The following GC variants were observed in gnomAD, a reference collection of about 807,000 sequenced individuals.
GC encodes vitamin D-binding protein.
In GC, 43 loss-of-function variants were observed where a neutral mutation model predicts 56.7. The ratio of observed to expected loss-of-function variants is 0.76; its 90% CI spans 0.59 to 0.98. The LOEUF (loss-of-function observed/expected upper bound fraction) is 0.98, where lower values mean the gene tolerates loss of function less well. GC is among the 50% of genes least tolerant of loss of function. The pLI is 0.00. For missense variants in GC, 529 were observed against 545.9 expected (o/e 0.97, Z 0.31); for synonymous variants, 216 against 202.7 (o/e 1.07, Z -0.56).
intron 1 of GC, among the ~76,000 whole-genome samples, chr4:71,782,357 A>G (rs1742710155): frequency 6.6e-6 from 1 of 151,824 alleles, no homozygotes; most frequent in Non-Finnish European, 1.5e-5. Flanking sequence ...TCTTTGGGTC[A>G]TGCTCAGGTA....
chr4:71,776,923 A>T (rs992369161), intron 1 of GC, among the ~76,000 whole-genome samples: 1 of 151,954 alleles, frequency 6.6e-6, no homozygotes, highest in Non-Finnish European at 1.5e-5. Context: ...GAGAGGATAT[A>T]TTGGATGTGT....
rs536814083 is a variant in GC at position 71,753,448 on chromosome 4, G to T, written c.1263-798C>A. Among the ~76,000 whole-genome samples the T allele has an allele frequency of 9.3e-5, 14 of 151,036 alleles. No individual in the cohort carries two copies. The East Asian group carries it at 2.7e-3, about 30-fold the overall frequency. On this transcript the variant is annotated intron_variant, in intron 10 of 12. Transcript: ENST00000273951. Reference sequence around the variant, plus strand: ...GAAACAAGTAGGTTTGAGCTGCCGGGGGGTGCAAATGAGGCAAGAAGAGAC... The same window carrying T: ...GAAACAAGTAGGTTTGAGCTGCCGGTGGGTGCAAATGAGGCAAGAAGAGAC...
chr4:71,787,201 T>C (rs920100547), upstream of GC, among the ~76,000 whole-genome samples: 10 of 151,956 alleles, frequency 6.6e-5, no homozygotes, highest in African/African-American at 2.4e-4. Flanking sequence ...TAAGACTGTG[T>C]TTCTGCCTCC....
At chr4:71,767,059 G>A (rs1742180354) in intron 3 of GC, among the ~76,000 whole-genome samples, 1 of 152,120 alleles carries the variant, frequency 6.6e-6, no homozygotes, top group Non-Finnish European at 1.5e-5. Context: ...TTATTTTAAG[G>A]TGGTACAGAA....
chr4:71,781,291 G>A (rs1053195382), intron 1 of GC, among the ~76,000 whole-genome samples: 1 of 151,734 alleles, frequency 6.6e-6, no homozygotes, highest in African/African-American at 2.4e-5. Context: ...TGTAAATGAC[G>A]AGTTAATGGG....
At chr4:71,754,868 CTTAG>C in intron 9 of GC, 106 bp downstream of exon 9, 1 of 660,074 alleles carries the variant, frequency 1.5e-6, no homozygotes, top group Middle Eastern at 2.7e-4. Flanking sequence ...TTCTTCTGTT[CTTAG>C]TTTGTAGGCC....
intron 1 of GC, among the ~76,000 whole-genome samples, chr4:71,790,103 C>G (rs1391723570): frequency 2.6e-5 from 4 of 151,836 alleles, no homozygotes; most frequent in African/African-American, 9.7e-5. Flanking sequence ...ATAAGTTATT[C>G]CTTTGGTCAG....
At chr4:71,797,454 C>G (rs1328439449) in intron 1 of GC, among the ~76,000 whole-genome samples, 1 of 152,252 alleles carries the variant, frequency 6.6e-6, no homozygotes, top group African/African-American at 2.4e-5. Context: ...GACTGCTGCG[C>G]TAGCAGTGAG....
chr4:71,751,654 G>A (rs930548360), intron 11 of GC, among the ~76,000 whole-genome samples: 6 of 151,938 alleles, frequency 3.9e-5, no homozygotes, highest in Non-Finnish European at 8.8e-5. Context: ...ACCAGGAAGC[G>A]GGAGGGGAAG....
At chr4:71,803,893 A>T in intron 1 of GC, 1 of 1,312,380 alleles carries the variant, frequency 7.6e-7, no homozygotes, top group Non-Finnish European at 1.1e-6. Flanking sequence ...TACCAATGGT[A>T]ACTTGAAATT....
intron 1 of GC, among the ~76,000 whole-genome samples, chr4:71,799,139 A>G (rs1339809719): frequency 3.2e-4 from 49 of 152,178 alleles, no homozygotes; most frequent in Admixed American, 3.2e-3. Flanking sequence ...TCTTAAAAGG[A>G]ATCATTTCAA....
intron 8 of GC, among the ~76,000 whole-genome samples, chr4:71,756,410 G>A (rs1301279199): frequency 1.3e-5 from 2 of 152,140 alleles, no homozygotes; most frequent in Non-Finnish European, 2.9e-5. Flanking sequence ...ATAGGCTGAA[G>A]TTCAGAATTA....
intron 1 of GC, among the ~76,000 whole-genome samples, chr4:71,789,577 A>G (rs1376659065): frequency 6.6e-6 from 1 of 151,978 alleles, no homozygotes; most frequent in Non-Finnish European, 1.5e-5. Context: ...GAATTTTCTC[A>G]GTTTTCAGGA....
In GC at chr4:71,764,988, G is replaced by A. The variant is rs146875667; in HGVS notation, c.473+444C>T. Among the ~76,000 whole-genome samples, 166 of 152,214 alleles carry A rather than the reference G, an allele frequency of 1.1e-3. 2 individuals carry two copies. Among genetic ancestry groups the A allele is most frequent in the African/African-American group, 3.8e-3 (156 of 41,538 alleles). ...AGATGTGTCATATTTACACGTACAC[G>A]TCACATGTTTCTGGGATGTATAGGA... On this transcript the variant is annotated intron_variant, in intron 4 of 12. Coordinates refer to ENST00000273951, the MANE Select transcript of GC (RefSeq NM_000583.4).
chr4:71,783,363 C>T (rs1742746593), intron 1 of GC, among the ~76,000 whole-genome samples: 1 of 151,744 alleles, frequency 6.6e-6, no homozygotes, highest in African/African-American at 2.4e-5. Context: ...CAAAGATGAA[C>T]ACACCATCTG....
chr4:71,754,945 A>G (rs781413286), intron 9 of GC, 33 bp downstream of exon 9: 9 of 1,496,724 alleles, frequency 6.0e-6, no homozygotes, highest in Non-Finnish European at 8.1e-6. Context: ...CCCTTGATCT[A>G]TGTGCTTGAT....
chr4:71,753,955 A>ATAT (rs145447395), intron 10 of GC, among the ~76,000 whole-genome samples: 2,238 of 152,190 alleles, frequency 0.015, 48 homozygotes, highest in African/African-American at 0.051. Context: ...TTCGTCATCT[A>ATAT]TATTTTTATG....
At chr4:71,743,449 G>A (rs552483946) in intron 12 of GC, among the ~76,000 whole-genome samples, 1 of 152,286 alleles carries the variant, frequency 6.6e-6, no homozygotes, top group Admixed American at 6.5e-5. Context: ...ATCTATCTGA[G>A]GGAAAGTACT....
In GC at chr4:71,768,394, C is replaced by A; in HGVS notation, c.168G>T (p.Thr56=). The change falls in exon 3 of 13, where the codon ACG becomes ACT. Residue 56 remains threonine (T), a synonymous_variant. Coordinates refer to ENST00000273951, the MANE Select transcript of GC (RefSeq NM_000583.4). ...TCACAAGTTGGCTGACCTGTTCAAA[C>A]GTGCCACTGGGAAATTTTCTACTGT... ...VLYSRKFPSG[T]FEQVSQLVKE... 2 of 1,613,376 alleles carry A rather than the reference C, an allele frequency of 1.2e-6. No homozygotes were observed. Among genetic ancestry groups the A allele is most frequent in the Non-Finnish European group, 1.7e-6 (2 of 1,179,552 alleles).
Sources: allele counts gnomAD v4.1 joint callset (sites outside exome capture counted in the v4.1 genomes callset), GRCh38; gene constraint gnomAD v4.1.1; transcripts MANE v1.5; gene names NCBI Gene and HGNC (gene_info 2026-07-23, HGNC 2026-07-21).